SERPINB8: variants seen among roughly 807,000 people sequenced by gnomAD.
SERPINB8 encodes serpin B8.
In SERPINB8, 25 loss-of-function variants were observed where a neutral mutation model predicts 35.3. The observed-to-expected ratio is 0.71, with a 90% confidence interval of 0.52 to 0.99. SERPINB8 has a LOEUF of 0.99. Among genes scored for constraint, SERPINB8 ranks in the 50% least tolerant of loss-of-function variants. SERPINB8 has a pLI of 0.00. For synonymous variants in SERPINB8, 186 were observed against 160.8 expected (o/e 1.16, Z -1.19); for missense variants, 484 against 446.5 (o/e 1.08, Z -0.76).
chr18:64,015,129 T>G (rs957427753), intron 7 of SERPINB8, among the ~76,000 whole-genome samples: 2 of 152,188 alleles, frequency 1.3e-5, no homozygotes, highest in African/African-American at 4.8e-5. Context: ...TTTTTGTCCC[T>G]GTGGCTGTTG....
chr18:63,999,615 G>A (rs2050865245), intron 1 of SERPINB8, among the ~76,000 whole-genome samples: 1 of 152,084 alleles, frequency 6.6e-6, no homozygotes, highest in East Asian at 1.9e-4. Flanking sequence ...TGAACCTTAT[G>A]GTAGTCAATG....
At position 63,979,829 on chromosome 18, in the gene SERPINB8, T is replaced by C. The variant is rs202235102; in HGVS notation, c.197T>C (p.Ile66Thr). 223 of 1,613,972 alleles carry C rather than the reference T, an allele frequency of 1.4e-4. 1 individual carries two copies. The highest frequency in any genetic ancestry group is 2.4e-5 in the Non-Finnish European group (28 of 1,179,970). ...CTTTGTTTATACAAAGACGGAGATA[T>C]TCACCGAGGTTTCCAGTCACTTCTC... ...QALCLYKDGD[I>T]HRGFQSLLSE... Residue 66 changes from isoleucine to threonine, a missense_variant, in exon 3 of 7, where the codon ATT becomes ACT. Transcript: ENST00000397985.
downstream of SERPINB8, among the ~76,000 whole-genome samples, chr18:64,005,915 T>C (rs1415120659): frequency 1.3e-5 from 2 of 152,164 alleles, no homozygotes; most frequent in East Asian, 3.8e-4. Context: ...GAGGTAATTT[T>C]ACAACTTCAA....
At chr18:63,990,097 GAC>G (rs2050816378), downstream of SERPINB8, among the ~76,000 whole-genome samples, 8 of 112,862 alleles carry the variant, frequency 7.1e-5, no homozygotes, top group African/African-American at 2.6e-4. Flanking sequence ...TTCTTTTTGA[GAC>G]AGAGTATTTC....
chr18:64,003,654 A>T (rs1164483784), intron 1 of SERPINB8, among the ~76,000 whole-genome samples: 2 of 152,132 alleles, frequency 1.3e-5, no homozygotes, highest in Admixed American at 1.3e-4. Flanking sequence ...CTGGTGGAGT[A>T]GTTCCAGCCT....
chr18:64,013,251 G>A (rs2050934188), intron 7 of SERPINB8, among the ~76,000 whole-genome samples: 2 of 151,800 alleles, frequency 1.3e-5, no homozygotes. Context: ...CCCAGTGCCT[G>A]GCATTCTTCT....
chr18:64,018,728 A>G (rs2050961901), intron 7 of SERPINB8, among the ~76,000 whole-genome samples: 1 of 151,446 alleles, frequency 6.6e-6, no homozygotes, highest in Admixed American at 6.5e-5. Context: ...ACATCTATGA[A>G]TTACACTTCC....
In SERPINB8 at chr18:63,985,195, G is replaced by A; in HGVS notation, c.670G>A (p.Glu224Lys). The A allele has an allele frequency of 6.2e-7, 1 of 1,614,174 alleles. No homozygotes were observed. ...CCTGGAGCTGCCCTATGTGGAAGAG[G>A]AGCTGAGCATGGTCATTCTGCTTCC... is the stretch of plus-strand genomic sequence containing the variant. ...QVLELPYVEE[E>K]LSMVILLPDD... Residue 224 changes from glutamate to lysine, a missense_variant, in exon 6 of 7, where the codon GAG (glutamate) becomes AAG (lysine). Transcript: ENST00000397985.
chr18:63,981,741 G>T lies in SERPINB8; in HGVS notation c.327G>T (p.Gln109His). Residue 109 changes from glutamine to histidine, a missense_variant, in exon 4 of 7, where the codon CAG becomes CAT. Gln to His is a conservative substitution (Grantham distance 24). Coordinates refer to ENST00000397985, the MANE Select transcript of SERPINB8 (RefSeq NM_002640.4). ...DFLPDFKEYC[Q>H]KFYQAELEEL... ...TGCAGGACTTTAAAGAATACTGTCA[G>T]AAGTTCTATCAGGCAGAGCTGGAGG... The T allele has an allele frequency of 1.2e-6, 2 of 1,613,314 alleles. No individual in the cohort carries two copies. The highest frequency in any genetic ancestry group is 3.3e-4 in the Middle Eastern group (2 of 6,054).
chr18:64,001,964 T>C (rs541640615), intron 1 of SERPINB8, among the ~76,000 whole-genome samples: 3 of 152,316 alleles, frequency 2.0e-5, no homozygotes, highest in Non-Finnish European at 2.9e-5. Flanking sequence ...CATCTTGTCC[T>C]GGACGTGAAA....
At chr18:63,985,580 C>A (rs982604956) in intron 6 of SERPINB8, among the ~76,000 whole-genome samples, 1 of 152,154 alleles carries the variant, frequency 6.6e-6, no homozygotes, top group Non-Finnish European at 1.5e-5. Flanking sequence ...TCAATCTTGG[C>A]AGTGATTCTC....
At chr18:64,007,995 T>G (rs1182256087), downstream of SERPINB8, among the ~76,000 whole-genome samples, 4 of 152,166 alleles carry the variant, frequency 2.6e-5, no homozygotes, top group Admixed American at 6.5e-5. Flanking sequence ...TTTTAATTAA[T>G]TAATTAATTA....
Position 64,012,067 on chromosome 18 carries a change from C to T in SERPINB8, c.*3-6843C>T, listed in dbSNP as rs116128112. ...AATGAGCATATATGACCTTAAGACC[C>T]GTAACTATTTAAAAGAGTCAGACTG... On this transcript the variant is annotated intron_variant, in intron 7 of 7. Coordinates refer to the SERPINB8 transcript ENST00000636430. Among the ~76,000 whole-genome samples, 1,054 of 151,960 alleles carry T rather than the reference C, an allele frequency of 6.9e-3. 15 individuals are homozygous for T. The highest frequency in any genetic ancestry group is 0.024 in the African/African-American group (1,010 of 41,470).
intron 7 of SERPINB8, among the ~76,000 whole-genome samples, chr18:64,018,339 G>A (rs1276980116): frequency 6.6e-6 from 1 of 152,064 alleles, no homozygotes; most frequent in Admixed American, 6.6e-5. Flanking sequence ...TGCTTTGAAT[G>A]GAAACAAAAG....
Position 63,987,107 on chromosome 18 carries a change from C to T in SERPINB8, c.954C>T (p.Phe318=), listed in dbSNP as rs146858814. The change falls in exon 7 of 7, where the codon TTC becomes TTT. Residue 318 remains phenylalanine (F), a synonymous_variant. Transcript: ENST00000397985. ...VPLSKVAHKC[F]VEVNEEGTEA... ...TGTCCAAGGTTGCCCACAAGTGCTT[C>T]GTGGAGGTCAATGAGGAAGGCACAG... 2.0e-4 allele frequency: 318 copies of T among 1,614,162 alleles called. 1 individual carries two copies. The highest frequency in any genetic ancestry group is 2.7e-4 in the Admixed American group (16 of 60,012).
In SERPINB8 at chr18:63,986,994, C is replaced by A. The variant is rs747873693; in HGVS notation, c.841C>A (p.Pro281Thr). The A allele has an allele frequency of 6.2e-7, 1 of 1,614,182 alleles. No homozygotes were observed. The highest frequency in any genetic ancestry group is 1.7e-5 in the Admixed American group (1 of 60,024). ...LKLEESYDLE[P>T]FLRRLGMIDA... ...GCTGGAGGAGAGTTATGACTTGGAG[C>A]CTTTCCTTCGAAGATTAGGAATGAT... Residue 281 changes from proline (P) to threonine (T), a missense_variant, in exon 7 of 7, where the codon CCT (proline) becomes ACT (threonine). Physicochemically the swap from Pro to Thr is conservative, Grantham distance 38. Transcript: ENST00000397985.
chr18:63,976,639 G>A (rs1197046984), intron 1 of SERPINB8, among the ~76,000 whole-genome samples: 3 of 152,202 alleles, frequency 2.0e-5, no homozygotes, highest in African/African-American at 7.2e-5. Flanking sequence ...GGAAGAAAGG[G>A]CCTAGAGGCA....
intron 1 of SERPINB8, 32 bp from the exon 2 acceptor site, chr18:63,978,267 A>C (rs1599136714): frequency 6.2e-7 from 1 of 1,613,280 alleles, no homozygotes; most frequent in Non-Finnish European, 8.5e-7. Context: ...TCATTGGCTT[A>C]TGTGCTTTTC....
chr18:63,985,827 C>A (rs1351867511), intron 6 of SERPINB8, among the ~76,000 whole-genome samples: 1 of 152,194 alleles, frequency 6.6e-6, no homozygotes, highest in Non-Finnish European at 1.5e-5. Context: ...AAGTGGTAAA[C>A]TTGCAAGGTA....
Sources: allele counts gnomAD v4.1 joint callset (sites outside exome capture counted in the v4.1 genomes callset), GRCh38; gene constraint gnomAD v4.1.1; transcripts MANE v1.5; gene names NCBI Gene and HGNC (gene_info 2026-07-23, HGNC 2026-07-21).